DACH2: variants seen among roughly 807,000 people sequenced by gnomAD.
DACH2 encodes dachshund homolog 2.
Under a neutral mutation model 35.8 loss-of-function variants are expected in DACH2, and 17 were observed. That is an observed-to-expected ratio of 0.48 (90% CI 0.33 to 0.71). The LOEUF is 0.71. Ranked by LOEUF, DACH2 falls within the 30% of genes least tolerant of loss-of-function variation. The pLI, the probability that DACH2 is intolerant of heterozygous loss-of-function variation, is 0.02. For missense variants in DACH2, 469 were observed against 472.7 expected (o/e 0.99, Z 0.07); for synonymous variants, 195 against 177.3 (o/e 1.10, Z -0.79).
At chrX:86,325,218 T>A (rs1014686664) in intron 1 of DACH2, among the ~76,000 whole-genome samples, 26 of 111,609 alleles carry the variant, frequency 2.3e-4, no homozygotes, top group African/African-American at 7.8e-4. Context: ...TGTGTGAATA[T>A]CTGGTATCTA....
At chrX:86,801,709 T>C (rs1170665741) in intron 7 of DACH2, among the ~76,000 whole-genome samples, 1 of 112,106 alleles carries the variant, frequency 8.9e-6, no homozygotes, top group East Asian at 2.8e-4. Context: ...TTTTCCCAAG[T>C]TTTCCATGAT....
chrX:86,608,413 C>A (rs946515675), intron 3 of DACH2, among the ~76,000 whole-genome samples: 1 of 111,779 alleles, frequency 8.9e-6, no homozygotes, highest in African/African-American at 3.3e-5. Flanking sequence ...CATCCCATTA[C>A]TAGGTATTGT....
intron 1 of DACH2, among the ~76,000 whole-genome samples, chrX:86,150,523 T>C (rs1431550341): frequency 1.8e-5 from 2 of 111,931 alleles, no homozygotes; most frequent in Admixed American, 1.9e-4. Context: ...TCTTCTTTTT[T>C]TTCTTCAATT....
intron 3 of DACH2, among the ~76,000 whole-genome samples, chrX:86,590,302 C>G (rs775548846): frequency 8.9e-6 from 1 of 112,158 alleles, no homozygotes; most frequent in Non-Finnish European, 1.9e-5. Context: ...CCCCAGCCTT[C>G]CAGTCTCTTC....
intron 2 of DACH2, among the ~76,000 whole-genome samples, chrX:86,471,635 G>T (rs1285805553): frequency 9.0e-6 from 1 of 111,268 alleles, no homozygotes; most frequent in African/African-American, 3.3e-5. Flanking sequence ...AAATAGAGAA[G>T]AAATGTGTCT....
chrX:86,323,642 G>C (rs993953467), intron 1 of DACH2, among the ~76,000 whole-genome samples: 1 of 111,965 alleles, frequency 8.9e-6, no homozygotes, highest in East Asian at 2.8e-4. Context: ...GGGCTGGTTG[G>C]GGCTAGGGTC....
chrX:86,735,955 A>G (rs911341493), intron 6 of DACH2, among the ~76,000 whole-genome samples: 155 of 111,638 alleles, frequency 1.4e-3, no homozygotes, highest in African/African-American at 4.6e-3. Flanking sequence ...AATAAAACAG[A>G]TTAACTTGCT....
At chrX:86,803,536 A>AATC (rs2042314521) in intron 7 of DACH2, among the ~76,000 whole-genome samples, 1 of 110,804 alleles carries the variant, frequency 9.0e-6, no homozygotes, top group African/African-American at 3.3e-5. Context: ...ATTCATGTAC[A>AATC]ATCTTGTCTT....
At chrX:86,624,053 AACAAAAC>A (rs1370288045) in intron 3 of DACH2, among the ~76,000 whole-genome samples, 1,952 of 69,605 alleles carry the variant, frequency 0.028, 226 homozygotes, top group African/African-American at 0.11. Flanking sequence ...GTCTCAAAAA[AACAAAAC>A]AAAAAAAAAA....
chrX:86,607,242 C>T lies in DACH2; in HGVS notation c.641-43794C>T, dbSNP rs188740544. Among the ~76,000 whole-genome samples the T allele has an allele frequency of 1.5e-4, 17 of 111,273 alleles. No individual in the cohort carries two copies. In the East Asian group the frequency reaches 4.3e-3, roughly 28 times the overall value. ...GTCATTTTGTTATTTGTTTTCTGAG[C>T]GTTTTGATGTCTTTTCATGCTTCTT... is the stretch of plus-strand genomic sequence containing the variant. On this transcript the variant is annotated intron_variant, in intron 3 of 11. Coordinates refer to ENST00000373125, the MANE Select transcript of DACH2 (RefSeq NM_053281.3).
intron 1 of DACH2, among the ~76,000 whole-genome samples, chrX:86,359,555 C>G (rs1320861227): frequency 9.0e-6 from 1 of 111,408 alleles, no homozygotes; most frequent in Non-Finnish European, 1.9e-5. Flanking sequence ...GGAGACCAGC[C>G]TGGTCAACAT....
chrX:86,183,786 G>T (rs975119632), intron 1 of DACH2, among the ~76,000 whole-genome samples: 4 of 111,470 alleles, frequency 3.6e-5, no homozygotes, highest in African/African-American at 1.3e-4. Flanking sequence ...TATAATTCGG[G>T]TGTGAATCCG....
At chrX:86,512,618 A>G (rs1252521282) in intron 2 of DACH2, among the ~76,000 whole-genome samples, 1 of 112,110 alleles carries the variant, frequency 8.9e-6, no homozygotes, top group African/African-American at 3.2e-5. Context: ...AAGACTAATC[A>G]GGTGTGTTTA....
chrX:86,456,395 C>A (rs1219801564), intron 2 of DACH2, among the ~76,000 whole-genome samples: 1 of 111,665 alleles, frequency 9.0e-6, no homozygotes, highest in African/African-American at 3.3e-5. Context: ...TAGAGTTAGA[C>A]ATATACATTT....
chrX:86,168,416 CTT>C (rs1338113144), intron 1 of DACH2, among the ~76,000 whole-genome samples: 1 of 110,839 alleles, frequency 9.0e-6, no homozygotes, highest in African/African-American at 3.3e-5. Context: ...TAGCTTCAGT[CTT>C]TGTGTGTATT....
chrX:86,491,265 G>C lies in DACH2; in HGVS notation c.528-23014G>C, dbSNP rs1343342309. Among the ~76,000 whole-genome samples the C allele has an allele frequency of 7.2e-5, 8 of 111,664 alleles. No homozygotes were observed. The East Asian group carries it at 2.3e-3, about 32-fold the overall frequency. On this transcript the variant is annotated intron_variant, in intron 2 of 11. Transcript: ENST00000373125. The stretch of plus-strand genomic sequence containing the variant: ...CAGTCTCATGGACATACATTGTACA[G>C]GACACACTTCTTAACAGAATGGTTG...
At chrX:86,737,822 G>A (rs1177845270) in intron 6 of DACH2, among the ~76,000 whole-genome samples, 1 of 111,772 alleles carries the variant, frequency 8.9e-6, no homozygotes, top group African/African-American at 3.3e-5. Context: ...AATATATTAT[G>A]TGATGGTGAG....
intron 1 of DACH2, among the ~76,000 whole-genome samples, chrX:86,327,088 G>T (rs190032984): frequency 8.4e-4 from 94 of 111,901 alleles, no homozygotes; most frequent in African/African-American, 3.0e-3. Context: ...CACCCACCCT[G>T]AGGGATAAAA....
intron 7 of DACH2, among the ~76,000 whole-genome samples, chrX:86,753,386 T>G (rs1256242096): frequency 1.8e-5 from 2 of 111,919 alleles, no homozygotes; most frequent in Non-Finnish European, 3.8e-5. Context: ...TATGATGCAT[T>G]AAATTATAGT....
Sources: gnomAD v4.1 joint callset for allele counts (sites outside exome capture counted in the v4.1 genomes callset) on GRCh38, gnomAD v4.1.1 for gene constraint, MANE v1.5 for transcripts, NCBI Gene and HGNC (gene_info 2026-07-23, HGNC 2026-07-21) for gene names.